SDK1: variants seen among roughly 807,000 people sequenced by gnomAD.
SDK1 encodes the protein protein sidekick-1.
In SDK1, 157 loss-of-function variants were observed where a neutral mutation model predicts 245.5. The observed-to-expected ratio is 0.64, with a 90% CI of 0.56 to 0.73. SDK1 has a LOEUF of 0.73. Among genes scored for constraint, SDK1 ranks in the 30% least tolerant of loss-of-function variants. The probability of loss-of-function intolerance (pLI) is 0.00; values close to 1 mark genes in which losing one functional copy is unlikely to be tolerated. For missense variants in SDK1, 3,583 were observed against 3,002.3 expected (o/e 1.19, Z -4.52); for synonymous variants, 1,647 against 1,278.5 (o/e 1.29, Z -6.15).
intron 12 of SDK1, among the ~76,000 whole-genome samples, chr7:3,972,188 T>C (rs1782541641): frequency 6.6e-6 from 1 of 151,496 alleles, no homozygotes; most frequent in South Asian, 2.1e-4. Context: ...CACACCATTG[T>C]CCTGCCTCAG....
intron 1 of SDK1, among the ~76,000 whole-genome samples, chr7:3,425,317 G>A (rs939113693): frequency 6.6e-6 from 1 of 152,154 alleles, no homozygotes; most frequent in Non-Finnish European, 1.5e-5. Context: ...TTTTATGAAT[G>A]ACTGGTATAA....
intron 1 of SDK1, among the ~76,000 whole-genome samples, chr7:3,379,186 T>C (rs1442681895): frequency 2.6e-5 from 4 of 152,182 alleles, no homozygotes; most frequent in Non-Finnish European, 5.9e-5. Flanking sequence ...CTCTTTATTG[T>C]GCGGGGCAAT....
chr7:4,250,238 A>G (rs566244807), intron 44 of SDK1, among the ~76,000 whole-genome samples: 3 of 152,332 alleles, frequency 2.0e-5, no homozygotes, highest in Admixed American at 6.5e-5. Context: ...TGTGTGTTTC[A>G]TCAGTTCTCT....
At chr7:4,025,166 G>T (rs942195035) in intron 17 of SDK1, among the ~76,000 whole-genome samples, 1 of 152,160 alleles carries the variant, frequency 6.6e-6, no homozygotes, top group Non-Finnish European at 1.5e-5. Flanking sequence ...CCACGGAATT[G>T]ATTTCCCTAT....
chr7:3,967,307 C>G lies in SDK1; in HGVS notation c.1430-11C>G, dbSNP rs375144205. The G allele has an allele frequency of 6.2e-7, 1 of 1,601,998 alleles. No individual in the cohort carries two copies. Among genetic ancestry groups the G allele is most frequent in the Non-Finnish European group, 8.6e-7 (1 of 1,168,954 alleles). ...CAAGGCCCTGATCATTTCATTTACT[C>G]CTCTTCTCAGATATCGCTCCAGTGT... On this transcript the variant is annotated splice_polypyrimidine_tract_variant and intron_variant, in intron 9 of 44. Transcript: ENST00000404826.
rs1788551834 is a variant in SDK1, at chr7:4,267,641, A to G, written c.*2257A>G. On this transcript the variant is annotated 3_prime_UTR_variant, in exon 45 of 45. Coordinates refer to ENST00000404826, the MANE Select transcript of SDK1 (RefSeq NM_152744.4). ...TCTGCAGCCATGAGGATGTGGCTTT[A>G]CATGCCAGGGAGAGTGTTGAGACGT... 1.0e-6 allele frequency: 1 copy of G among 985,370 alleles called. No individual in the cohort carries two copies. Among genetic ancestry groups the G allele is most frequent in the Non-Finnish European group, 1.2e-6 (1 of 829,954 alleles). 61.0% of individuals were successfully genotyped at this position (985,370 alleles called of 1,614,324 possible).
intron 1 of SDK1, among the ~76,000 whole-genome samples, chr7:3,331,254 CTCTG>C (rs1369674627): frequency 4.6e-5 from 7 of 152,022 alleles, no homozygotes; most frequent in Admixed American, 1.3e-4. Context: ...CAAAGCGAGA[CTCTG>C]TCTGAAAAAA....
rs114302378 is a variant in SDK1 at position 4,183,683 on chromosome 7, G to A, written c.5098+5097G>A. ...AAGAAAGTATGCTTATATTTTAGCC[G>A]AGTTCAGGCTTCTCCCATACTCCTA... On this transcript the variant is annotated intron_variant, in intron 35 of 44. Transcript: ENST00000404826. Among the ~76,000 whole-genome samples, 135 of 150,734 alleles carry A rather than the reference G, an allele frequency of 9.0e-4. 1 individual carries two copies. Among genetic ancestry groups the A allele is most frequent in the African/African-American group, 2.5e-3 (104 of 41,046 alleles).
rs187382622 is a variant in SDK1 at position 3,384,366 on chromosome 7, G to T, written c.298+82482G>T. On this transcript the variant is annotated intron_variant, in intron 1 of 44. Coordinates refer to ENST00000404826, the MANE Select transcript of SDK1 (RefSeq NM_152744.4). ...AATAACATATGCTGAAGGACACTCTGAAGAGTACTAATTTTTTTCAGGGAT... is the reference window on the plus strand; with the variant it reads ...AATAACATATGCTGAAGGACACTCTTAAGAGTACTAATTTTTTTCAGGGAT... 4.4e-3 allele frequency among the ~76,000 whole-genome samples: 675 copies of T among 152,230 alleles called. 9 individuals carry two copies. The highest frequency in any genetic ancestry group is 0.015 in the African/African-American group (628 of 41,540).
At chr7:3,995,501 C>T (rs913839272) in intron 14 of SDK1, among the ~76,000 whole-genome samples, 1 of 152,216 alleles carries the variant, frequency 6.6e-6, no homozygotes, top group Non-Finnish European at 1.5e-5. Context: ...TCCTGAGTTG[C>T]CTCAGCAGTG....
At chr7:4,141,860 G>A (rs773638334) in intron 28 of SDK1, among the ~76,000 whole-genome samples, 1 of 152,068 alleles carries the variant, frequency 6.6e-6, no homozygotes, top group Non-Finnish European at 1.5e-5. Context: ...GGGTTCAAGT[G>A]ATTCTCCTGC....
intron 4 of SDK1, among the ~76,000 whole-genome samples, chr7:3,681,495 T>G (rs1381712956): frequency 6.6e-6 from 1 of 152,206 alleles, no homozygotes; most frequent in Non-Finnish European, 1.5e-5. Flanking sequence ...GTCATAAAGG[T>G]AGGCAAGTCT....
chr7:3,676,885 A>G (rs1359841993), intron 4 of SDK1, among the ~76,000 whole-genome samples: 1 of 152,028 alleles, frequency 6.6e-6, no homozygotes, highest in South Asian at 2.1e-4. Flanking sequence ...TTTTGTATTC[A>G]TACCATGCTA....
chr7:3,903,022 T>C (rs1250570326), intron 5 of SDK1, among the ~76,000 whole-genome samples: 1 of 152,140 alleles, frequency 6.6e-6, no homozygotes, highest in African/African-American at 2.4e-5. Context: ...AATAAACACC[T>C]GAGAAAATGC....
chr7:4,054,809 G>C (rs1310780928), intron 19 of SDK1, among the ~76,000 whole-genome samples: 1 of 152,070 alleles, frequency 6.6e-6, no homozygotes, highest in Non-Finnish European at 1.5e-5. Flanking sequence ...TTTTTGACAT[G>C]AATAAATCTT....
At chr7:3,964,284 C>T (rs767666721) in intron 9 of SDK1, among the ~76,000 whole-genome samples, 54 of 152,170 alleles carry the variant, frequency 3.5e-4, no homozygotes, top group Non-Finnish European at 6.3e-4. Flanking sequence ...GCAGCACAGA[C>T]GGCTGTCACT....
chr7:3,315,760 G>A (rs971756016), intron 1 of SDK1, among the ~76,000 whole-genome samples: 1 of 152,092 alleles, frequency 6.6e-6, no homozygotes, highest in Non-Finnish European at 1.5e-5. Context: ...CTGGATTTTA[G>A]GAAGAATATG....
At chr7:4,122,642 CGA>C (rs1034582597) in intron 25 of SDK1, among the ~76,000 whole-genome samples, 2 of 151,834 alleles carry the variant, frequency 1.3e-5, no homozygotes, top group African/African-American at 4.8e-5. Context: ...CCTTAAAAAC[CGA>C]GAGAGACCAC....
chr7:3,371,005 T>G (rs185796628), intron 1 of SDK1, among the ~76,000 whole-genome samples: 3 of 152,272 alleles, frequency 2.0e-5, no homozygotes, highest in Non-Finnish European at 4.4e-5. Context: ...CAACCCTGAC[T>G]GCAAATCACT....
Sources: gnomAD v4.1 joint callset for allele counts (sites outside exome capture counted in the v4.1 genomes callset) on GRCh38, gnomAD v4.1.1 for gene constraint, MANE v1.5 for transcripts, NCBI Gene and HGNC (gene_info 2026-07-23, HGNC 2026-07-21) for gene names.